DNAH7: variants seen among roughly 807,000 people sequenced by gnomAD.
The protein encoded by DNAH7 is axonemal beta dynein heavy chain 7.
DNAH7 carries 397 observed loss-of-function variants against 444.6 expected under a neutral mutation model. The ratio of observed to expected loss-of-function variants is 0.89; its 90% CI spans 0.82 to 0.97. DNAH7 has a LOEUF of 0.97. Ranked by LOEUF, DNAH7 falls within the 50% of genes least tolerant of loss-of-function variation. DNAH7 has a pLI of 0.00. For synonymous variants in DNAH7, 1,636 were observed against 1,624.4 expected, an observed-to-expected ratio of 1.01 and a Z score of -0.17; for missense variants, 4,902 against 4,800.8, an observed-to-expected ratio of 1.02 and a Z score of -0.62.
At chr2:195,749,921 A>C (rs2105899205) in intron 63 of DNAH7, among the ~76,000 whole-genome samples, 1 of 152,150 alleles carries the variant, frequency 6.6e-6, no homozygotes, top group East Asian at 1.9e-4. Flanking sequence ...AGCATGGCAC[A>C]TGTATACATA....
At chr2:195,896,340 T>TA in intron 29 of DNAH7, among the ~76,000 whole-genome samples, 1 of 152,304 alleles carries the variant, frequency 6.6e-6, no homozygotes, top group African/African-American at 2.4e-5. Flanking sequence ...TTCATTTTCT[T>TA]ATGTGTCTTT....
At chr2:195,824,065 G>A (rs557670066) in intron 49 of DNAH7, among the ~76,000 whole-genome samples, 190 bp downstream of exon 49, 98 of 152,150 alleles carry the variant, frequency 6.4e-4, no homozygotes, top group Middle Eastern at 3.4e-3. Flanking sequence ...GCATGCTGAA[G>A]TTTCCTTTAT....
intron 12 of DNAH7, chr2:195,994,280 C>A: frequency 2.4e-6 from 1 of 410,000 alleles, no homozygotes; most frequent in Non-Finnish European, 4.6e-6. Context: ...CCAGTGGAAG[C>A]TTTTCCAAAT....
At chr2:195,999,791 AT>A (rs1249425126) in intron 12 of DNAH7, among the ~76,000 whole-genome samples, 1 of 152,212 alleles carries the variant, frequency 6.6e-6, no homozygotes, top group Admixed American at 6.5e-5. Flanking sequence ...ATAATTTCAT[AT>A]AATGTTAAGT....
chr2:195,889,461 C>T (rs935736513), intron 31 of DNAH7, among the ~76,000 whole-genome samples: 37 of 151,930 alleles, frequency 2.4e-4, no homozygotes, highest in African/African-American at 8.2e-4. Context: ...ACCACGAGTG[C>T]GCACCACCAC....
intron 47 of DNAH7, among the ~76,000 whole-genome samples, chr2:195,842,873 C>A (rs566501320): frequency 9.7e-4 from 147 of 152,078 alleles, no homozygotes; most frequent in Non-Finnish European, 1.8e-3. Context: ...GCAATTTGGC[C>A]TCTGATGGTG....
chr2:195,929,170 A>G (rs1318734559), intron 21 of DNAH7, among the ~76,000 whole-genome samples: 1 of 152,336 alleles, frequency 6.6e-6, no homozygotes. Context: ...CTAACCAAAG[A>G]GGTAAAAGAT....
At position 195,853,660 on chromosome 2, in the gene DNAH7, T is replaced by C. The variant is rs183668087; in HGVS notation, c.8596-132A>G. On this transcript the variant is annotated intron_variant, in intron 45 of 64. Coordinates refer to ENST00000312428, the MANE Select transcript of DNAH7 (RefSeq NM_018897.3). The stretch of plus-strand genomic sequence containing the variant: ...CTGCCTGGGATTTCCTATATCACTA[T>C]GATATAGGAAAGTCCATGATATTTT... 449 of 856,210 alleles carry C rather than the reference T, an allele frequency of 5.2e-4. 1 individual carries two copies. The highest frequency in any genetic ancestry group is 4.8e-3 in the African/African-American group (279 of 58,406). The allele number at this position is 856,210 out of a possible 1,614,324, so 53.0% of individuals were successfully genotyped here.
chr2:195,874,034 T>C (rs1700878567), intron 38 of DNAH7, among the ~76,000 whole-genome samples: 1 of 151,938 alleles, frequency 6.6e-6, no homozygotes, highest in Non-Finnish European at 1.5e-5. Context: ...ACATCCTCAA[T>C]ACAATATTAA....
At chr2:195,927,114 C>T (rs908294592) in intron 21 of DNAH7, among the ~76,000 whole-genome samples, 2 of 152,006 alleles carry the variant, frequency 1.3e-5, no homozygotes, top group Admixed American at 6.6e-5. Context: ...GACAGATGTA[C>T]GATTCATTCA....
intron 61 of DNAH7, among the ~76,000 whole-genome samples, chr2:195,762,824 G>A (rs749107620): frequency 5.3e-5 from 8 of 152,032 alleles, no homozygotes; most frequent in Non-Finnish European, 1.0e-4. Context: ...AGACCATCCA[G>A]ACAGAAAATC....
Position 195,936,679 on chromosome 2 carries a change from T to C in DNAH7, c.3192A>G (p.Lys1064=), listed in dbSNP as rs1689074881. 13 of 1,605,232 alleles carry C rather than the reference T, an allele frequency of 8.1e-6. No individual in the cohort carries two copies. The highest frequency in any genetic ancestry group is 1.3e-5 in the African/African-American group (1 of 74,676). The part of the protein sequence containing the change: ...LKGLNEYLEK[K]RLFFPRFFFL... The stretch of plus-strand genomic sequence containing the variant: ...AAAAGAATCTGGGGAAAAAGAGGCG[T>C]TTCTTTTCCAAATATTCATTAAGTC... The change falls in exon 20 of 65, where the codon AAA becomes AAG. Residue 1064 remains lysine, a synonymous_variant. Coordinates refer to ENST00000312428, the MANE Select transcript of DNAH7 (RefSeq NM_018897.3).
intron 61 of DNAH7, among the ~76,000 whole-genome samples, chr2:195,756,575 G>A (rs982015362): frequency 1.3e-5 from 2 of 152,002 alleles, no homozygotes; most frequent in African/African-American, 4.8e-5. Flanking sequence ...GTGCAGTGGT[G>A]GGATCATGGC....
At chr2:195,936,522 T>A in intron 20 of DNAH7, 77 bp downstream of exon 20, 1 of 928,404 alleles carries the variant, frequency 1.1e-6, no homozygotes, top group Non-Finnish European at 1.6e-6. Flanking sequence ...ATTATATATA[T>A]TTATGTTCTA....
Position 195,875,794 on chromosome 2 carries a change from G to C in DNAH7, c.6167C>G (p.Ala2056Gly). 6.2e-7 allele frequency: 1 copy of C among 1,613,652 alleles called. No homozygotes were observed. The part of the protein sequence containing the change: ...VNMPAREVYG[A>G]QPPIELLRQW... ...TCTAAGTAACTCAATGGGAGGTTGA[G>C]CCCCATATACCTCCCGAGCAGGCAT... The change falls in exon 38 of 65, where the codon GCT becomes GGT. Residue 2056 changes from alanine to glycine, a missense_variant. Transcript: ENST00000312428.
intron 58 of DNAH7, among the ~76,000 whole-genome samples, chr2:195,778,257 C>T (rs1002799173): frequency 6.6e-6 from 1 of 151,902 alleles, no homozygotes; most frequent in Non-Finnish European, 1.5e-5. Context: ...ATTTCAACAC[C>T]TACTATGTGC....
At chr2:196,051,060 CAT>C in intron 3 of DNAH7, 125 bp downstream of exon 3, 1 of 808,580 alleles carries the variant, frequency 1.2e-6, no homozygotes. Flanking sequence ...ATGCACACCT[CAT>C]AGAATTTCTC....
At chr2:195,842,802 T>C (rs1473312503) in intron 47 of DNAH7, among the ~76,000 whole-genome samples, 1 of 152,184 alleles carries the variant, frequency 6.6e-6, no homozygotes, top group Admixed American at 6.5e-5. Context: ...ACAGTTCTAT[T>C]ATTTTTGAAA....
chr2:195,988,318 TTCTTG>T (rs1276618768), intron 12 of DNAH7, 89 bp from the exon 13 acceptor site: 4 of 1,170,158 alleles, frequency 3.4e-6, no homozygotes, highest in Non-Finnish European at 4.6e-6. Flanking sequence ...CTTACAATGT[TTCTTG>T]TCTTTTTATT....
Sources: allele counts gnomAD v4.1 joint callset (sites outside exome capture counted in the v4.1 genomes callset), GRCh38; gene constraint gnomAD v4.1.1; transcripts MANE v1.5; gene names NCBI Gene and HGNC (gene_info 2026-07-23, HGNC 2026-07-21).